Variants in FRAS1 observed in about 807,000 individuals in gnomAD.
FRAS1 encodes the protein Fraser extracellular matrix complex subunit 1, also known as extracellular matrix organizing protein FRAS1.
Under a neutral mutation model 435.2 loss-of-function variants are expected in FRAS1, and 290 were observed. The ratio of observed to expected loss-of-function variants is 0.67; its 90% CI spans 0.61 to 0.73. The LOEUF (loss-of-function observed/expected upper bound fraction) is 0.73. Among genes scored for constraint, FRAS1 ranks in the 30% least tolerant of loss-of-function variants. FRAS1 has a pLI of 0.00. For synonymous variants in FRAS1, 1,800 were observed against 1,851.0 expected, an observed-to-expected ratio of 0.97 and a Z score of 0.71; for missense variants, 4,860 against 5,001.5, an observed-to-expected ratio of 0.97 and a Z score of 0.85.
intron 2 of FRAS1, among the ~76,000 whole-genome samples, chr4:78,159,933 C>T (rs943942490): frequency 6.6e-6 from 1 of 152,078 alleles, no homozygotes; most frequent in Admixed American, 6.6e-5. Flanking sequence ...CACGATTATT[C>T]CTATATCTTA....
At chr4:78,392,843 G>C (rs1732505168) in intron 29 of FRAS1, among the ~76,000 whole-genome samples, 1 of 151,832 alleles carries the variant, frequency 6.6e-6, no homozygotes, top group African/African-American at 2.4e-5. Context: ...AGAACCATTG[G>C]GGAAATTAGG....
chr4:78,208,150 G>A (rs1237034041), intron 2 of FRAS1, among the ~76,000 whole-genome samples: 2 of 152,114 alleles, frequency 1.3e-5, no homozygotes, highest in African/African-American at 2.4e-5. Flanking sequence ...CTAACAGCCC[G>A]GAGCCTGATA....
At chr4:78,327,833 G>A (rs956834138) in intron 18 of FRAS1, among the ~76,000 whole-genome samples, 1 of 152,028 alleles carries the variant, frequency 6.6e-6, no homozygotes, top group East Asian at 1.9e-4. Context: ...AAATAGTGTC[G>A]ATATTTCCAA....
Position 78,265,088 on chromosome 4 carries a change from G to A in FRAS1, c.667G>A (p.Ala223Thr), listed in dbSNP as rs200123398. ...GCAGTGCTCTGCAAGATCCTGCTCTGCAGCTGGCCAAGTATACGAGGTAAG... is the reference window on the plus strand; with the variant it reads ...GCAGTGCTCTGCAAGATCCTGCTCTACAGCTGGCCAAGTATACGAGGTAAG... ...CPQCSARSCS[A>T]AGQVYEHGEQ... Residue 223 changes from alanine (A) to threonine (T), a missense_variant, in exon 7 of 74, where the codon GCA becomes ACA. By Grantham distance (58) the Ala-to-Thr change is moderately conservative. Coordinates refer to ENST00000512123, the MANE Select transcript of FRAS1 (RefSeq NM_025074.7). 136 of 1,612,868 alleles carry A rather than the reference G, an allele frequency of 8.4e-5. No homozygotes were observed. The highest frequency in any genetic ancestry group is 2.7e-5 in the African/African-American group (2 of 74,898).
chr4:78,375,630 G>A (rs1731728385), intron 25 of FRAS1, 109 bp from the exon 26 acceptor site: 2 of 868,116 alleles, frequency 2.3e-6, no homozygotes, highest in African/African-American at 3.4e-5. Context: ...TGTTACAGTT[G>A]GGGCTCATTT....
intron 54 of FRAS1, among the ~76,000 whole-genome samples, chr4:78,477,449 C>T (rs1178151754): frequency 6.6e-6 from 1 of 152,148 alleles, no homozygotes; most frequent in Non-Finnish European, 1.5e-5. Flanking sequence ...ACTTCATACT[C>T]CAAGGCCAGA....
Position 78,376,172 on chromosome 4 carries a change from A to T in FRAS1, c.3292+293A>T, listed in dbSNP as rs141956443. Among the ~76,000 whole-genome samples the T allele has an allele frequency of 7.2e-5, 11 of 152,362 alleles. No individual in the cohort carries two copies. In the East Asian group the frequency reaches 1.7e-3, roughly 24 times the overall value. On this transcript the variant is annotated intron_variant, in intron 26 of 73. Transcript: ENST00000512123. ...TAAGTTCCTGAACTACAGCCATGTT[A>T]TAGAAAATTACATATATACAGTCAC...
chr4:78,243,926 A>G (rs183689079), intron 3 of FRAS1, among the ~76,000 whole-genome samples: 1 of 152,264 alleles, frequency 6.6e-6, no homozygotes, highest in East Asian at 1.9e-4. Context: ...AATTAGGCTA[A>G]TGTAGTTTCT....
At chr4:78,440,071 G>A (rs1338646602) in intron 40 of FRAS1, among the ~76,000 whole-genome samples, 4 of 145,134 alleles carry the variant, frequency 2.8e-5, no homozygotes, top group Non-Finnish European at 4.5e-5. Flanking sequence ...TCGCCCAGGC[G>A]GGACTGCGGA....
rs1400450063 is a variant in FRAS1 at position 78,133,186 on chromosome 4, C to G, written c.108+67170C>G. ...ACAAAGTGGAGTACTAACTATTTGG[C>G]CATAAGAATGAGATTCGGTCATTTG... On this transcript the variant is annotated intron_variant, in intron 2 of 73. Transcript: ENST00000512123. Among the ~76,000 whole-genome samples the G allele has an allele frequency of 7.9e-5, 12 of 152,208 alleles. No individual in the cohort carries two copies. The South Asian group carries it at 2.5e-3, about 32-fold the overall frequency.
intron 31 of FRAS1, among the ~76,000 whole-genome samples, chr4:78,410,160 C>T (rs369610110): frequency 3.3e-5 from 5 of 152,232 alleles, no homozygotes; most frequent in East Asian, 3.9e-4. Flanking sequence ...CCTTTGCCTT[C>T]GTAGGGTGAG....
rs773935574 is a variant in FRAS1 at position 78,318,840 on chromosome 4, G to A, written c.1991G>A (p.Gly664Asp). Residue 664 changes from glycine (G) to aspartate (D), a missense_variant, in exon 18 of 74, where the codon GGT (glycine) becomes GAT (aspartate). By Grantham distance (94) the Gly-to-Asp change is moderately conservative. Transcript: ENST00000512123. ...ACHSSCLACM[G>D]PAPSHCTGCK... is the part of the protein sequence containing the mutation. ...CACTCCTCCTGCCTGGCTTGTATGG[G>A]TCCCGCACCCTCTCACTGTACTGGG... is the stretch of plus-strand genomic sequence containing the variant. 15 of 1,611,578 alleles carry A rather than the reference G, an allele frequency of 9.3e-6. No individual in the cohort carries two copies. The highest frequency in any genetic ancestry group is 1.3e-5 in the Non-Finnish European group (15 of 1,178,756).
intron 29 of FRAS1, among the ~76,000 whole-genome samples, chr4:78,397,532 G>A (rs574045155): frequency 1.1e-4 from 16 of 152,228 alleles, no homozygotes; most frequent in Middle Eastern, 3.4e-3. Context: ...ATGGGAGGGG[G>A]TGCATGGAGT....
chr4:78,094,197 G>T lies in FRAS1; in HGVS notation c.108+28181G>T, dbSNP rs905604095. Among the ~76,000 whole-genome samples, 3 of 132,272 alleles carry T rather than the reference G, an allele frequency of 2.3e-5. No homozygotes were observed. The East Asian group carries it at 7.3e-4, about 32-fold the overall frequency. 86.8% of individuals were successfully genotyped at this position (132,272 alleles called of 152,430 possible). A position where few individuals can be genotyped will look rare whatever the true frequency, so the allele number is the denominator to read the frequency against. ...TCTATATTATCTATATATTTTCAAA[G>T]AACTCTAGGCCACACAACATCTCTT... On this transcript the variant is annotated intron_variant, in intron 2 of 73. Transcript: ENST00000512123.
At chr4:78,256,082 A>T (rs1183130549) in intron 6 of FRAS1, among the ~76,000 whole-genome samples, 1 of 152,226 alleles carries the variant, frequency 6.6e-6, no homozygotes, top group Non-Finnish European at 1.5e-5. Flanking sequence ...TCTAAGGAAA[A>T]GCTGGAAGCC....
chr4:78,234,166 G>A (rs765762451), intron 2 of FRAS1, among the ~76,000 whole-genome samples: 5 of 152,152 alleles, frequency 3.3e-5, no homozygotes, highest in Admixed American at 1.3e-4. Flanking sequence ...AGCAGGAAAC[G>A]TACTACATTG....
intron 22 of FRAS1, among the ~76,000 whole-genome samples, chr4:78,365,740 A>T (rs2110298751): frequency 9.5e-6 from 1 of 104,796 alleles, no homozygotes; most frequent in East Asian, 4.5e-4. Context: ...AGTACATTAA[A>T]AAAAAAAAAA....
At chr4:78,192,422 A>G (rs1332295343) in intron 2 of FRAS1, among the ~76,000 whole-genome samples, 1 of 152,048 alleles carries the variant, frequency 6.6e-6, no homozygotes, top group African/African-American at 2.4e-5. Flanking sequence ...TTGGATAGTA[A>G]GCTATTAATT....
chr4:78,388,256 CA>C (rs1327927640), intron 29 of FRAS1, among the ~76,000 whole-genome samples: 2 of 148,298 alleles, frequency 1.3e-5, no homozygotes, highest in Admixed American at 6.8e-5. Context: ...ACCCAGGAGG[CA>C]GAGCTTGCAG....
Sources: gnomAD v4.1 joint callset for allele counts (sites outside exome capture counted in the v4.1 genomes callset) on GRCh38, gnomAD v4.1.1 for gene constraint, MANE v1.5 for transcripts, NCBI Gene and HGNC (gene_info 2026-07-23, HGNC 2026-07-21) for gene names.